Variants in PLCB1 observed in about 807,000 individuals in gnomAD.
The protein encoded by PLCB1 is 1-phosphatidylinositol 4,5-bisphosphate phosphodiesterase beta-1.
In PLCB1, 46 loss-of-function variants were observed where a neutral mutation model predicts 161.8. The observed-to-expected ratio is 0.28, with a 90% CI of 0.22 to 0.36. PLCB1 has a LOEUF of 0.36. Ranked by LOEUF, PLCB1 falls within the 10% of genes least tolerant of loss-of-function variation. The pLI is 1.00. For missense variants in PLCB1, 1,016 were observed against 1,472.5 expected, an observed-to-expected ratio of 0.69 and a Z score of 5.07; for synonymous variants, 517 against 503.7, an observed-to-expected ratio of 1.03 and a Z score of -0.35.
intron 2 of PLCB1, among the ~76,000 whole-genome samples, chr20:8,201,235 G>A (rs906332152): frequency 1.1e-4 from 16 of 151,810 alleles, no homozygotes; most frequent in African/African-American, 3.6e-4. Context: ...TGTCTTGTGT[G>A]TTTTATTTAT....
chr20:8,486,934 G>T (rs902542337), intron 3 of PLCB1, among the ~76,000 whole-genome samples: 1 of 152,186 alleles, frequency 6.6e-6, no homozygotes, highest in Admixed American at 6.5e-5. Flanking sequence ...ATACAACATT[G>T]AATAATAATC....
chr20:8,863,894 C>G (rs1335770638), intron 31 of PLCB1, among the ~76,000 whole-genome samples: 2 of 152,134 alleles, frequency 1.3e-5, no homozygotes, highest in East Asian at 3.9e-4. Flanking sequence ...GAAAGATGGT[C>G]ATTCATAGCA....
chr20:8,758,029 C>T (rs1331355244), intron 24 of PLCB1, among the ~76,000 whole-genome samples: 2 of 151,638 alleles, frequency 1.3e-5, no homozygotes, highest in Admixed American at 6.6e-5. Flanking sequence ...CAATTTGATG[C>T]CTCCTCTGTA....
At chr20:8,518,408 T>C (rs1012586709) in intron 3 of PLCB1, among the ~76,000 whole-genome samples, 1 of 152,080 alleles carries the variant, frequency 6.6e-6, no homozygotes, top group African/African-American at 2.4e-5. Context: ...AGGGGTGGGA[T>C]GTAGGATAGG....
chr20:8,662,216 ATTATTATATAATTCTATATATAATTAT>A (rs1409541793), intron 9 of PLCB1, among the ~76,000 whole-genome samples: 7 of 43,386 alleles, frequency 1.6e-4, no homozygotes, highest in African/African-American at 7.1e-4. Flanking sequence ...ATTATATATA[ATTATTATATAATTCTATATATAATTAT>A]TTATTATATA....
chr20:8,574,902 A>T (rs1220407571), intron 3 of PLCB1, among the ~76,000 whole-genome samples: 5 of 152,260 alleles, frequency 3.3e-5, no homozygotes, highest in African/African-American at 7.2e-5. Flanking sequence ...TTAGAAGTCG[A>T]GTCCAAATTC....
chr20:8,696,555 A>T (rs1990589873), intron 10 of PLCB1, among the ~76,000 whole-genome samples: 1 of 152,166 alleles, frequency 6.6e-6, no homozygotes, highest in African/African-American at 2.4e-5. Flanking sequence ...GATTTTGATA[A>T]GAATTGAATC....
chr20:8,549,980 T>C (rs897158626), intron 3 of PLCB1, among the ~76,000 whole-genome samples: 1 of 152,146 alleles, frequency 6.6e-6, no homozygotes, highest in African/African-American at 2.4e-5. Flanking sequence ...TCCTGAGGCC[T>C]TTGGCTGGAT....
At chr20:8,154,410 A>G (rs1466995620) in intron 2 of PLCB1, among the ~76,000 whole-genome samples, 5 of 152,314 alleles carry the variant, frequency 3.3e-5, no homozygotes, top group African/African-American at 9.6e-5. Context: ...AAAGAATCCT[A>G]TAATATGGAG....
intron 3 of PLCB1, among the ~76,000 whole-genome samples, chr20:8,579,107 T>C (rs1259191232): frequency 1.3e-5 from 2 of 152,256 alleles, no homozygotes; most frequent in African/African-American, 2.4e-5. Context: ...TCATCATTAC[T>C]ACCTCCCTGG....
chr20:8,776,827 T>C (rs1982966096), intron 27 of PLCB1, among the ~76,000 whole-genome samples: 1 of 152,092 alleles, frequency 6.6e-6, no homozygotes, highest in Non-Finnish European at 1.5e-5. Context: ...AAACATGTAG[T>C]ATGTTAGGTA....
intron 7 of PLCB1, 100 bp from the exon 8 acceptor site, chr20:8,657,084 A>C: frequency 2.8e-6 from 2 of 724,246 alleles, no homozygotes; most frequent in Non-Finnish European, 5.0e-6. Flanking sequence ...GAAGGGGGGA[A>C]GAAAAGAAAG....
rs137943325 is a variant in PLCB1 at position 8,527,427 on chromosome 20, GA to G, written c.247-100866del. Among the ~76,000 whole-genome samples the G allele has an allele frequency of 4.1e-3, 619 of 152,110 alleles. 7 individuals are homozygous for G. Among genetic ancestry groups the G allele is most frequent in the African/African-American group, 0.013 (559 of 41,510 alleles). ...AGCATGGATTCAATAACTATACTGCGAGTCAAGACTACTCTTATTACACTGA... is the reference window on the plus strand; with the variant it reads ...AGCATGGATTCAATAACTATACTGCGGTCAAGACTACTCTTATTACACTGA... On this transcript the variant is annotated intron_variant, in intron 3 of 31. Transcript: ENST00000338037.
rs7268629 is a variant in PLCB1, at chr20:8,834,829, A to C, written c.3423+44568A>C. 7.9e-3 allele frequency among the ~76,000 whole-genome samples: 1,153 copies of C among 145,796 alleles called. 28 individuals carry two copies. The highest frequency in any genetic ancestry group is 0.027 in the African/African-American group (1,074 of 39,958). On this transcript the variant is annotated intron_variant, in intron 31 of 31. Coordinates refer to ENST00000338037, the MANE Select transcript of PLCB1 (RefSeq NM_015192.4). The stretch of plus-strand genomic sequence containing the variant: ...GCCTCAGAAAAAAAAAAAAAAAAAA[A>C]AAAAAAAACCACAGGCTGCTGTAGA...
chr20:8,192,855 C>T (rs533103975), intron 2 of PLCB1, among the ~76,000 whole-genome samples: 17 of 151,974 alleles, frequency 1.1e-4, no homozygotes, highest in African/African-American at 4.1e-4. Flanking sequence ...ATGTGTGTGT[C>T]AGGGATTTCC....
At chr20:8,565,990 A>G (rs1986321431) in intron 3 of PLCB1, among the ~76,000 whole-genome samples, 1 of 152,168 alleles carries the variant, frequency 6.6e-6, no homozygotes, top group East Asian at 1.9e-4. Flanking sequence ...ATTCCCTGTG[A>G]AGGAAAATTA....
chr20:8,845,438 C>T (rs1002609524), intron 31 of PLCB1, among the ~76,000 whole-genome samples: 7 of 152,040 alleles, frequency 4.6e-5, no homozygotes, highest in African/African-American at 1.2e-4. Flanking sequence ...ATACAGTAGC[C>T]ATTAGCCATG....
intron 31 of PLCB1, among the ~76,000 whole-genome samples, chr20:8,795,080 C>T (rs1178597554): frequency 6.6e-6 from 1 of 152,174 alleles, no homozygotes; most frequent in Admixed American, 6.5e-5. Context: ...TGTTTCAATT[C>T]TGCATGTGAG....
intron 3 of PLCB1, among the ~76,000 whole-genome samples, chr20:8,533,173 T>A (rs1984890873): frequency 6.6e-6 from 1 of 152,136 alleles, no homozygotes; most frequent in Non-Finnish European, 1.5e-5. Flanking sequence ...TTCATCCATG[T>A]CCCCAAAAAG....
Sources: gnomAD v4.1 joint callset for allele counts (sites outside exome capture counted in the v4.1 genomes callset) on GRCh38, gnomAD v4.1.1 for gene constraint, MANE v1.5 for transcripts, NCBI Gene and HGNC (gene_info 2026-07-23, HGNC 2026-07-21) for gene names.